The following PPM1L variants were observed in gnomAD, a reference collection of about 807,000 sequenced individuals.
PPM1L encodes the protein protein phosphatase, Mg2+/Mn2+ dependent 1L, also known as protein phosphatase 1L.
In PPM1L, 13 loss-of-function variants were observed where a neutral mutation model predicts 31.4. That is an observed-to-expected ratio of 0.41 (90% CI 0.27 to 0.66). The LOEUF (loss-of-function observed/expected upper bound fraction) is 0.66, where lower values mean the gene tolerates loss of function less well. Among genes scored for constraint, PPM1L ranks in the 30% least tolerant of loss-of-function variants. PPM1L has a pLI of 0.29. For synonymous variants in PPM1L, 184 were observed against 175.4 expected, an observed-to-expected ratio of 1.05 and a Z score of -0.39; for missense variants, 326 against 453.7, an observed-to-expected ratio of 0.72 and a Z score of 2.56.
intron 1 of PPM1L, among the ~76,000 whole-genome samples, chr3:160,933,236 T>A (rs1714843942): frequency 6.6e-6 from 1 of 152,102 alleles, no homozygotes; most frequent in African/African-American, 2.4e-5. Flanking sequence ...CAGAAAGCAA[T>A]TTGTTGTTTT....
intron 1 of PPM1L, among the ~76,000 whole-genome samples, chr3:160,935,492 T>C (rs1166901225): frequency 6.6e-6 from 1 of 152,222 alleles, no homozygotes; most frequent in East Asian, 1.9e-4. Flanking sequence ...AGATAGAGTT[T>C]GCTGGGCCAG....
At chr3:160,771,543 CTTTTTTTTTTTTTTTTT>C (rs745978148) in intron 1 of PPM1L, among the ~76,000 whole-genome samples, 1 of 77,400 alleles carries the variant, frequency 1.3e-5, no homozygotes, top group African/African-American at 4.6e-5. Flanking sequence ...AAGGCTGGCT[CTTTTTTTTTTTTTTTTT>C]TTTTTTTTTT....
intron 1 of PPM1L, among the ~76,000 whole-genome samples, chr3:160,808,289 CTGTGTGTGTGTGTG>C (rs10545216): frequency 1.5e-5 from 2 of 136,128 alleles, no homozygotes; most frequent in Non-Finnish European, 3.1e-5. Context: ...GGATTTTCCT[CTGTGTGTGTGTGTG>C]TGTGTGTGTG....
intron 2 of PPM1L, among the ~76,000 whole-genome samples, chr3:161,030,477 T>A (rs553432020): frequency 2.3e-3 from 348 of 152,298 alleles, no homozygotes; most frequent in African/African-American, 8.2e-3. Flanking sequence ...CCTCTAGAAC[T>A]GTAAAAAATA....
At chr3:160,954,734 C>T (rs1244488648) in intron 1 of PPM1L, among the ~76,000 whole-genome samples, 1 of 151,988 alleles carries the variant, frequency 6.6e-6, no homozygotes, top group Non-Finnish European at 1.5e-5. Flanking sequence ...TTTTTAATTG[C>T]TTATTCTGTT....
At chr3:160,930,676 G>A (rs1364606137) in intron 1 of PPM1L, among the ~76,000 whole-genome samples, 2 of 152,336 alleles carry the variant, frequency 1.3e-5, no homozygotes, top group East Asian at 3.9e-4. Flanking sequence ...TTTAGGCGGA[G>A]TGAAGGAGTT....
intron 1 of PPM1L, among the ~76,000 whole-genome samples, chr3:160,961,214 C>T (rs1715954934): frequency 1.3e-5 from 2 of 152,130 alleles, no homozygotes; most frequent in African/African-American, 4.8e-5. Flanking sequence ...TCCTCATTTT[C>T]TGTTTATCCC....
chr3:160,788,869 T>C (rs1056108302), intron 1 of PPM1L, among the ~76,000 whole-genome samples: 4 of 151,974 alleles, frequency 2.6e-5, no homozygotes, highest in African/African-American at 4.8e-5. Flanking sequence ...CTTTTTTCTA[T>C]TTTATTACTT....
chr3:161,004,759 C>T (rs1394010267), intron 2 of PPM1L, among the ~76,000 whole-genome samples: 1 of 150,780 alleles, frequency 6.6e-6, no homozygotes, highest in Non-Finnish European at 1.5e-5. Context: ...TGCTAGCGGT[C>T]TATCAATTTT....
chr3:160,924,372 T>C (rs1222258219), intron 1 of PPM1L, among the ~76,000 whole-genome samples: 2 of 152,188 alleles, frequency 1.3e-5, no homozygotes, highest in Non-Finnish European at 2.9e-5. Context: ...TTAAAACGTT[T>C]GGCTGTTCTC....
At chr3:160,803,375 C>A (rs925869772) in intron 1 of PPM1L, among the ~76,000 whole-genome samples, 2 of 151,928 alleles carry the variant, frequency 1.3e-5, no homozygotes, top group Non-Finnish European at 2.9e-5. Flanking sequence ...AGAGAGATCA[C>A]TGGTAATTTT....
chr3:160,761,332 G>A (rs1204979278), intron 1 of PPM1L, among the ~76,000 whole-genome samples: 1 of 152,114 alleles, frequency 6.6e-6, no homozygotes, highest in Non-Finnish European at 1.5e-5. Context: ...ATTGTTTGCT[G>A]TCATTTGCCT....
intron 1 of PPM1L, among the ~76,000 whole-genome samples, chr3:160,860,479 T>C (rs1418788050): frequency 6.6e-6 from 1 of 152,076 alleles, no homozygotes; most frequent in Non-Finnish European, 1.5e-5. Flanking sequence ...AAAATGGTGG[T>C]ATTATTAACA....
At chr3:160,773,199 G>C (rs1711500907) in intron 1 of PPM1L, among the ~76,000 whole-genome samples, 1 of 152,218 alleles carries the variant, frequency 6.6e-6, no homozygotes, top group South Asian at 2.1e-4. Context: ...TGTAGTAGGT[G>C]TGAAGCAGTA....
At chr3:161,021,633 A>G (rs1406026213) in intron 2 of PPM1L, among the ~76,000 whole-genome samples, 3 of 151,874 alleles carry the variant, frequency 2.0e-5, no homozygotes, top group Admixed American at 6.6e-5. Flanking sequence ...TGAAGTTGTC[A>G]TCTATTATTG....
At chr3:160,974,022 TC>T (rs1716461881) in intron 2 of PPM1L, among the ~76,000 whole-genome samples, 1 of 36,554 alleles carries the variant, frequency 2.7e-5, no homozygotes, top group African/African-American at 1.0e-4. Context: ...CCCTCCCCCC[TC>T]CCCCCACCCC....
At chr3:160,948,779 T>C (rs1715487073) in intron 1 of PPM1L, among the ~76,000 whole-genome samples, 1 of 152,142 alleles carries the variant, frequency 6.6e-6, no homozygotes, top group Non-Finnish European at 1.5e-5. Context: ...AGTCAAGGTT[T>C]TCCCAGGAAT....
At chr3:160,922,583 A>G (rs941073171) in intron 1 of PPM1L, among the ~76,000 whole-genome samples, 2 of 152,212 alleles carry the variant, frequency 1.3e-5, no homozygotes, top group South Asian at 2.1e-4. Flanking sequence ...TTTGAACTAG[A>G]TGGCATCTTA....
chr3:160,791,376 T>C (rs1186571236), intron 1 of PPM1L, among the ~76,000 whole-genome samples: 1 of 152,186 alleles, frequency 6.6e-6, no homozygotes, highest in African/African-American at 2.4e-5. Flanking sequence ...TTACAGAGTT[T>C]TGTTAAGCTT....
Sources: gnomAD v4.1 joint callset for allele counts (sites outside exome capture counted in the v4.1 genomes callset) on GRCh38, gnomAD v4.1.1 for gene constraint, MANE v1.5 for transcripts, NCBI Gene and HGNC (gene_info 2026-07-23, HGNC 2026-07-21) for gene names.